BCAS4: variants seen among roughly 807,000 people sequenced by gnomAD.
The protein encoded by BCAS4 is breast carcinoma-amplified sequence 4.
Under a neutral mutation model 15.7 loss-of-function variants are expected in BCAS4, and 9 were observed. The observed-to-expected ratio is 0.57, with a 90% CI of 0.34 to 1.00. The LOEUF (loss-of-function observed/expected upper bound fraction) is 1.00, where lower values mean the gene tolerates loss of function less well. Ranked by LOEUF, BCAS4 falls within the 50% of genes least tolerant of loss-of-function variation. The probability of loss-of-function intolerance (pLI) is 0.02; values close to 1 mark genes in which losing one functional copy is unlikely to be tolerated. For synonymous variants in BCAS4, 101 were observed against 99.5 expected (o/e 1.02, Z -0.09); for missense variants, 225 against 239.1 (o/e 0.94, Z 0.39).
intron 4 of BCAS4, among the ~76,000 whole-genome samples, chr20:50,875,843 G>A (rs953377752): frequency 1.3e-5 from 2 of 152,028 alleles, no homozygotes; most frequent in Non-Finnish European, 2.9e-5. Context: ...GCTCTGAGAT[G>A]GCCCTGCAGA....
chr20:50,808,966 G>T (rs1445407378), intron 1 of BCAS4, among the ~76,000 whole-genome samples: 1 of 152,102 alleles, frequency 6.6e-6, no homozygotes, highest in Non-Finnish European at 1.5e-5. Context: ...ATGGTTTCAG[G>T]TCTTAGATTT....
chr20:50,835,734 A>C (rs74582151), intron 3 of BCAS4, among the ~76,000 whole-genome samples: 7,259 of 152,014 alleles, frequency 0.048, 195 homozygotes, highest in African/African-American at 0.058. Flanking sequence ...TCTGCCCTAG[A>C]GTCTCACCAA....
intron 3 of BCAS4, chr20:50,840,431 T>G (rs1555803969): frequency 2.7e-6 from 2 of 740,870 alleles, no homozygotes; most frequent in Non-Finnish European, 4.8e-6. Flanking sequence ...GCCAGCCAGA[T>G]AGACAGATGG....
intron 4 of BCAS4, among the ~76,000 whole-genome samples, chr20:50,846,075 C>T (rs575088041): frequency 2.0e-5 from 3 of 152,328 alleles, no homozygotes; most frequent in South Asian, 2.1e-4. Context: ...GCTCCACAGA[C>T]GGAGCCAGCC....
At chr20:50,794,968 C>G (rs2087831355), upstream of BCAS4, 6 of 1,228,920 alleles carry the variant, frequency 4.9e-6, no homozygotes, top group African/African-American at 1.6e-5. Context: ...GCACCTGCCC[C>G]GCCTCCGCCA....
chr20:50,829,058 A>C (rs1329009204), intron 2 of BCAS4, among the ~76,000 whole-genome samples: 1 of 152,108 alleles, frequency 6.6e-6, no homozygotes, highest in African/African-American at 2.4e-5. Flanking sequence ...AAATTTAAAC[A>C]CTAGCCTGAC....
At chr20:50,868,930 G>A (rs16995552) in intron 4 of BCAS4, among the ~76,000 whole-genome samples, 1 of 152,198 alleles carries the variant, frequency 6.6e-6, no homozygotes, top group Non-Finnish European at 1.5e-5. Flanking sequence ...AGCTGACAGG[G>A]CGTCTCAAGG....
chr20:50,841,646 T>G, intron 3 of BCAS4, 120 bp from the exon 4 acceptor site: 9 of 1,380,070 alleles, frequency 6.5e-6, no homozygotes, highest in Non-Finnish European at 9.0e-6. Flanking sequence ...GGGAGCCCCA[T>G]TGGAGGGAGG....
Position 50,834,155 on chromosome 20 carries a change from T to C in BCAS4, c.264+3775T>C, listed in dbSNP as rs538552973. Among the ~76,000 whole-genome samples the C allele has an allele frequency of 1.8e-4, 28 of 152,200 alleles. No individual in the cohort carries two copies. The South Asian group carries it at 5.8e-3, about 32-fold the overall frequency. On this transcript the variant is annotated intron_variant, in intron 3 of 4. Transcript: ENST00000371608. ...AGAATGACAGGACCCATCAGAGGGA[T>C]TGCAGCTGCTGTAACCCCCGCTCCC...
At chr20:50,811,563 C>CA in intron 1 of BCAS4, among the ~76,000 whole-genome samples, 1 of 152,240 alleles carries the variant, frequency 6.6e-6, no homozygotes, top group African/African-American at 2.4e-5. Flanking sequence ...TGCAGAGGGG[C>CA]AATCACGAAT....
At chr20:50,827,362 C>T (rs765994081) in intron 2 of BCAS4, among the ~76,000 whole-genome samples, 1 of 152,228 alleles carries the variant, frequency 6.6e-6, no homozygotes, top group Non-Finnish European at 1.5e-5. Context: ...TATCACATCC[C>T]ATCAGAGGGT....
At chr20:50,823,926 T>G (rs1269190296) in intron 2 of BCAS4, among the ~76,000 whole-genome samples, 1 of 152,156 alleles carries the variant, frequency 6.6e-6, no homozygotes, top group Admixed American at 6.6e-5. Flanking sequence ...CTGTGAACTT[T>G]CCTTTGTGTC....
At chr20:50,816,532 C>T (rs1248490644) in intron 1 of BCAS4, among the ~76,000 whole-genome samples, 1 of 152,180 alleles carries the variant, frequency 6.6e-6, no homozygotes, top group Non-Finnish European at 1.5e-5. Context: ...CAGCTCCGGG[C>T]CTGCATTTCC....
intron 4 of BCAS4, among the ~76,000 whole-genome samples, chr20:50,864,632 AG>A (rs1979266988): frequency 6.6e-6 from 1 of 151,236 alleles, no homozygotes; most frequent in Non-Finnish European, 1.5e-5. Flanking sequence ...TAGTAGAGAC[AG>A]GGTTTCGCCA....
At position 50,860,613 on chromosome 20, in the gene BCAS4, C is replaced by T. The variant is rs529608754; in HGVS notation, c.400-15873C>T. 1.9e-3 allele frequency among the ~76,000 whole-genome samples: 285 copies of T among 152,316 alleles called. 1 individual carries two copies. Among genetic ancestry groups the T allele is most frequent in the Admixed American group, 3.3e-3 (50 of 15,300 alleles). Reference sequence around the variant, plus strand: ...AGTCTGGGCCGGGCGTGGTGGCTCACGCCTATAATCCCAGCACTTTGGGAG... The same window carrying T: ...AGTCTGGGCCGGGCGTGGTGGCTCATGCCTATAATCCCAGCACTTTGGGAG... On this transcript the variant is annotated intron_variant, in intron 4 of 4. Transcript: ENST00000371608.
chr20:50,840,749 T>C, intron 3 of BCAS4: 3 of 1,609,576 alleles, frequency 1.9e-6, no homozygotes, highest in African/African-American at 1.3e-5. Flanking sequence ...TTGTCAGACA[T>C]GGTTACGGAG....
intron 4 of BCAS4, among the ~76,000 whole-genome samples, chr20:50,873,293 CAG>C (rs1221938478): frequency 6.6e-6 from 1 of 152,216 alleles, no homozygotes; most frequent in Non-Finnish European, 1.5e-5. Flanking sequence ...CAAAAAGGAA[CAG>C]GGGGTTGGGA....
intron 4 of BCAS4, among the ~76,000 whole-genome samples, chr20:50,860,805 C>T (rs1359607403): frequency 6.6e-6 from 1 of 151,990 alleles, no homozygotes; most frequent in Admixed American, 6.6e-5. Flanking sequence ...GAACCTGTGG[C>T]GGAGGTTGCA....
chr20:50,858,884 G>A (rs1274932862), intron 4 of BCAS4, among the ~76,000 whole-genome samples: 4 of 150,706 alleles, frequency 2.7e-5, no homozygotes, highest in Admixed American at 6.6e-5. Context: ...GTGCCACCAC[G>A]CCTGGCTAAC....
Sources: gnomAD v4.1 joint callset for allele counts (sites outside exome capture counted in the v4.1 genomes callset) on GRCh38, gnomAD v4.1.1 for gene constraint, MANE v1.5 for transcripts, NCBI Gene and HGNC (gene_info 2026-07-23, HGNC 2026-07-21) for gene names.